FAM171B: variants seen among roughly 807,000 people sequenced by gnomAD.
FAM171B encodes protein FAM171B.
FAM171B carries 19 observed loss-of-function variants against 75.6 expected under a neutral mutation model. The ratio of observed to expected loss-of-function variants is 0.25; its 90% CI spans 0.18 to 0.37. The LOEUF is 0.37. Among genes scored for constraint, FAM171B ranks in the 10% least tolerant of loss-of-function variants. The pLI, the probability that FAM171B is intolerant of heterozygous loss-of-function variation, is 1.00. For synonymous variants in FAM171B, 367 were observed against 361.7 expected (o/e 1.01, Z -0.17); for missense variants, 848 against 982.4 (o/e 0.86, Z 1.83).
chr2:186,751,276 A>G lies in FAM171B; in HGVS notation c.867A>G (p.Ile289Met). The G allele has an allele frequency of 6.3e-7, 1 of 1,598,006 alleles. No individual in the cohort carries two copies. The highest frequency in any genetic ancestry group is 1.7e-5 in the Admixed American group (1 of 59,336). ...RLNDISAGDR[I>M]PAWTFDMNTG... ...ATGATATAAGTGCAGGGGATCGCAT[A>G]CCTGCTTGGACATTTGATATGAACA... is the stretch of plus-strand genomic sequence containing the variant. The change falls in exon 5 of 8, where the codon ATA becomes ATG. Residue 289 changes from isoleucine to methionine, a missense_variant. Around this residue, in one of 3 missense-constraint regions of FAM171B, gnomAD observed 665 missense variants for 729.0 expected, o/e 0.91. Coordinates refer to ENST00000304698, the MANE Select transcript of FAM171B (RefSeq NM_177454.4).
rs1690625628 is a variant in FAM171B, at chr2:186,762,040, A to G, written c.1698A>G (p.Gly566=). The change falls in exon 8 of 8, where the codon GGA becomes GGG. Residue 566 remains glycine (G), a synonymous_variant. Transcript: ENST00000304698. This position sits in a 1 kb window ranked among gnomAD's most constrained non-coding sequence, Gnocchi z 4.0. ...AGTCAGCTACTTTGCCAAGAAAGGG[A>G]CAGTTAGTCTATGGCCAATTGATGG... The part of the protein sequence containing the change: ...TAKSATLPRK[G]QLVYGQLMEP... The G allele has an allele frequency of 6.2e-7, 1 of 1,613,608 alleles. No homozygotes were observed. The highest frequency in any genetic ancestry group is 1.7e-5 in the Admixed American group (1 of 59,898).
intron 1 of FAM171B, among the ~76,000 whole-genome samples, chr2:186,697,247 C>T (rs1689596272): frequency 6.6e-6 from 1 of 151,972 alleles, no homozygotes; most frequent in South Asian, 2.1e-4. Context: ...TGATTGATAC[C>T]TATACTTGGG....
chr2:186,755,409 T>G (rs555340699), intron 6 of FAM171B, among the ~76,000 whole-genome samples: 2 of 152,312 alleles, frequency 1.3e-5, no homozygotes, highest in African/African-American at 2.4e-5. Flanking sequence ...AAAAGTTGAA[T>G]GCATGTATAT....
intron 2 of FAM171B, among the ~76,000 whole-genome samples, chr2:186,743,072 T>C (rs1690312738): frequency 6.6e-6 from 1 of 152,180 alleles, no homozygotes; most frequent in Non-Finnish European, 1.5e-5. Context: ...GTGGATATAG[T>C]TTATATCTAG....
chr2:186,752,383 T>C (rs1005008495), intron 5 of FAM171B, among the ~76,000 whole-genome samples: 1 of 152,138 alleles, frequency 6.6e-6, no homozygotes, highest in Non-Finnish European at 1.5e-5. Context: ...CTATAGAGAA[T>C]ATAAGCAGTA....
intron 1 of FAM171B, among the ~76,000 whole-genome samples, chr2:186,726,836 T>C (rs989656854): frequency 2.0e-5 from 3 of 152,224 alleles, no homozygotes; most frequent in Non-Finnish European, 2.9e-5. Flanking sequence ...CTTCTTGCTG[T>C]AATTATTATA....
rs577468387 is a variant in FAM171B at position 186,707,064 on chromosome 2, A to G, written c.238+12653A>G. Reference sequence around the variant, plus strand: ...ATCCACTCCAGTTGCTTTAAATATCATCTATATTCTAAGACTCCCCAGAGC... The same window carrying G: ...ATCCACTCCAGTTGCTTTAAATATCGTCTATATTCTAAGACTCCCCAGAGC... On this transcript the variant is annotated intron_variant, in intron 1 of 7. Coordinates refer to ENST00000304698, the MANE Select transcript of FAM171B (RefSeq NM_177454.4). Among the ~76,000 whole-genome samples the G allele has an allele frequency of 5.3e-5, 8 of 152,156 alleles. No individual in the cohort carries two copies. The East Asian group carries it at 5.8e-4, about 11-fold the overall frequency.
chr2:186,732,527 T>A (rs1334215682), intron 1 of FAM171B, among the ~76,000 whole-genome samples: 1 of 152,106 alleles, frequency 6.6e-6, no homozygotes, highest in Non-Finnish European at 1.5e-5. Context: ...AGAGCAGGCA[T>A]GAAAGTTTAT....
intron 1 of FAM171B, among the ~76,000 whole-genome samples, chr2:186,718,605 T>C (rs1335853413): frequency 6.6e-6 from 1 of 152,152 alleles, no homozygotes; most frequent in African/African-American, 2.4e-5. Context: ...TTAATTCAGG[T>C]TGAAATTGGG....
intron 1 of FAM171B, among the ~76,000 whole-genome samples, chr2:186,711,292 T>C (rs906962729): frequency 2.0e-5 from 3 of 152,304 alleles, no homozygotes; most frequent in Admixed American, 1.3e-4. Context: ...GTTTGGTCAT[T>C]TCCTACCAAC....
Position 186,694,131 on chromosome 2 carries a change from C to T in FAM171B, c.-43C>T, listed in dbSNP as rs2105766959. ...CGCAGCCCTGGCGCCCGCCGCCGCC[C>T]GGAGCCCCGCAATATGCCGCCGCGG... is the stretch of plus-strand genomic sequence containing the variant. On this transcript the variant is annotated 5_prime_UTR_variant, in exon 1 of 8. Transcript: ENST00000304698. 6.8e-7 allele frequency: 1 copy of T among 1,463,732 alleles called. No individual in the cohort carries two copies. The highest frequency in any genetic ancestry group is 9.0e-7 in the Non-Finnish European group (1 of 1,117,182). The allele number at this position is 1,463,732 out of a possible 1,614,324, so 90.7% of individuals were successfully genotyped here. A position where few individuals can be genotyped will look rare whatever the true frequency, so the allele number is the denominator to read the frequency against.
intron 1 of FAM171B, among the ~76,000 whole-genome samples, chr2:186,701,996 T>TA (rs1397133253): frequency 6.6e-6 from 1 of 152,244 alleles, no homozygotes; most frequent in Non-Finnish European, 1.5e-5. Flanking sequence ...GGATACACTA[T>TA]TTTGTATGTG....
rs1690644991 is a variant in FAM171B at position 186,762,944 on chromosome 2, A to G, written c.*121A>G. The G allele has an allele frequency of 8.4e-7, 1 of 1,189,526 alleles. No homozygotes were observed. Among genetic ancestry groups the G allele is most frequent in the East Asian group, 2.4e-5 (1 of 41,750 alleles). 73.7% of individuals were successfully genotyped at this position (1,189,526 alleles called of 1,614,324 possible). A position where few individuals can be genotyped will look rare whatever the true frequency, so the allele number is the denominator to read the frequency against. Reference sequence around the variant, plus strand: ...TCTCATGGTTCTTGGACATGTCTCAAGCAGAGTAAATGGTAATTCAGTAAT... The same window carrying G: ...TCTCATGGTTCTTGGACATGTCTCAGGCAGAGTAAATGGTAATTCAGTAAT... On this transcript the variant is annotated 3_prime_UTR_variant, in exon 8 of 8. Transcript: ENST00000304698. The surrounding 1 kb of genome is among the most constrained non-coding windows in gnomAD (Gnocchi z 4.0).
At chr2:186,754,461 G>A (rs1219820630) in intron 6 of FAM171B, among the ~76,000 whole-genome samples, 1 of 152,206 alleles carries the variant, frequency 6.6e-6, no homozygotes, top group Admixed American at 6.5e-5. Flanking sequence ...CTGAAAGGCA[G>A]GACTCCTTGC....
rs905806512 is a variant in FAM171B, at chr2:186,740,233, G to A, written c.244G>A (p.Val82Ile). The A allele has an allele frequency of 1.2e-6, 2 of 1,613,006 alleles. No individual in the cohort carries two copies. Among genetic ancestry groups the A allele is most frequent in the African/African-American group, 2.7e-5 (2 of 74,990 alleles). ...ATSTLTVPVS[V>I]FMLKVQVNDI... ...TTCTACCTTTTTCTCTCCAGTGTCT[G>A]TATTTATGTTGAAAGTCCAGGTGAA... The change falls in exon 2 of 8, where the codon GTA (valine) becomes ATA (isoleucine). Residue 82 changes from valine (V) to isoleucine (I), a missense_variant. By Grantham distance (29) the Val-to-Ile change is conservative (BLOSUM62 3). Transcript: ENST00000304698.
At chr2:186,748,836 C>T (rs1034260569) in intron 4 of FAM171B, among the ~76,000 whole-genome samples, 1 of 152,072 alleles carries the variant, frequency 6.6e-6, no homozygotes, top group Non-Finnish European at 1.5e-5. Flanking sequence ...CCAGATGTAA[C>T]CTACAGGATG....
Position 186,764,199 on chromosome 2 carries a change from T to A in FAM171B, c.*1376T>A, listed in dbSNP as rs1367068932. Reference sequence around the variant, plus strand: ...TGTGGGGGTAAAAATCCTAAATTGCTTTATTTTTCATTCCCTCCTATTCAA... The same window carrying A: ...TGTGGGGGTAAAAATCCTAAATTGCATTATTTTTCATTCCCTCCTATTCAA... On this transcript the variant is annotated 3_prime_UTR_variant, in exon 8 of 8. Transcript: ENST00000304698. The A allele has an allele frequency of 7.2e-5, 11 of 152,034 alleles. No homozygotes were observed. The highest frequency in any genetic ancestry group is 1.5e-5 in the Non-Finnish European group (1 of 67,958). The allele number at this position is 152,034 out of a possible 1,614,324, so 9.4% of individuals were successfully genotyped here. A position where few individuals can be genotyped will look rare whatever the true frequency, so the allele number is the denominator to read the frequency against.
At chr2:186,698,830 C>G (rs1449439808) in intron 1 of FAM171B, among the ~76,000 whole-genome samples, 1 of 152,094 alleles carries the variant, frequency 6.6e-6, no homozygotes, top group Non-Finnish European at 1.5e-5. Context: ...TAATCTCTAT[C>G]TCCGTGAGTT....
At chr2:186,744,830 ATTTTTT>A (rs71017339) in intron 3 of FAM171B, among the ~76,000 whole-genome samples, 4 of 127,648 alleles carry the variant, frequency 3.1e-5, no homozygotes, top group Non-Finnish European at 6.5e-5. Context: ...CCTGACCAGC[ATTTTTT>A]TTTTTTTTTT....
Sources: gnomAD v4.1 joint callset for allele counts (sites outside exome capture counted in the v4.1 genomes callset) on GRCh38, gnomAD v4.1.1 for gene constraint, gnomAD v4.1.1 regional missense constraint, Gnocchi (gnomAD v3.1) non-coding constraint, MANE v1.5 for transcripts, NCBI Gene and HGNC (gene_info 2026-07-23, HGNC 2026-07-21) for gene names.